Variants in ITGAL observed in about 807,000 individuals in gnomAD.
ITGAL encodes integrin alpha-L.
Under a neutral mutation model 138.4 loss-of-function variants are expected in ITGAL, and 68 were observed. That is an observed-to-expected ratio of 0.49 (90% CI 0.40 to 0.60). ITGAL has a LOEUF of 0.60. Ranked by LOEUF, ITGAL falls within the 20% of genes least tolerant of loss-of-function variation. The probability of loss-of-function intolerance (pLI) is 0.00; values close to 1 mark genes in which losing one functional copy is unlikely to be tolerated. For missense variants in ITGAL, 1,256 were observed against 1,478.6 expected, an observed-to-expected ratio of 0.85 and a Z score of 2.47; for synonymous variants, 561 against 584.3, an observed-to-expected ratio of 0.96 and a Z score of 0.57.
intron 4 of ITGAL, among the ~76,000 whole-genome samples, chr16:30,478,093 T>C (rs772666086): frequency 3.3e-5 from 5 of 151,672 alleles, no homozygotes; most frequent in Admixed American, 6.6e-5. Flanking sequence ...TCCCAGCACT[T>C]TGGGAGGCCG....
At chr16:30,508,209 A>ATT (rs71149036) in intron 21 of ITGAL, among the ~76,000 whole-genome samples, 17 of 95,084 alleles carry the variant, frequency 1.8e-4, no homozygotes, top group Admixed American at 3.4e-4. Context: ...CGCCCGGCCT[A>ATT]TTTTTTTTTT....
In ITGAL at chr16:30,494,401, G is replaced by A; in HGVS notation, c.1365+38G>A. On this transcript the variant is annotated intron_variant, in intron 12 of 30. Transcript: ENST00000356798. The surrounding 1 kb of genome is among the most constrained non-coding windows in gnomAD (Gnocchi z 4.2). Reference sequence around the variant, plus strand: ...CGAGGGCATCTGCAGACCAGGGACTGGCGGGACACACATCACACTCCCTTC... The same window carrying A: ...CGAGGGCATCTGCAGACCAGGGACTAGCGGGACACACATCACACTCCCTTC... 1 of 1,563,822 alleles carries A rather than the reference G, an allele frequency of 6.4e-7. No homozygotes were observed. The highest frequency in any genetic ancestry group is 8.7e-7 in the Non-Finnish European group (1 of 1,148,608).
chr16:30,496,338 C>T, intron 14 of ITGAL, 44 bp downstream of exon 14: 1 of 1,605,768 alleles, frequency 6.2e-7, no homozygotes. Context: ...CTCAGGTGCC[C>T]TAAGCCCCCA....
At chr16:30,501,790 A>G (rs1187923177) in intron 17 of ITGAL, among the ~76,000 whole-genome samples, 1 of 152,108 alleles carries the variant, frequency 6.6e-6, no homozygotes, top group Non-Finnish European at 1.5e-5. Flanking sequence ...CAGCACTTTG[A>G]GAGGCTGAAG....
chr16:30,510,825 C>T, intron 22 of ITGAL, 56 bp from the exon 23 acceptor site: 2 of 1,364,250 alleles, frequency 1.5e-6, no homozygotes, highest in Admixed American at 3.4e-5. Flanking sequence ...ATGTGGGGGC[C>T]ATGAGGCTGC....
rs904568095 is a variant in ITGAL, at chr16:30,511,057, G to A, written c.2707G>A (p.Glu903Lys). 1 of 1,613,894 alleles carries A rather than the reference G, an allele frequency of 6.2e-7. No homozygotes were observed. Among genetic ancestry groups the A allele is most frequent in the Non-Finnish European group, 8.5e-7 (1 of 1,179,880 alleles). ...TTCCTTGCCCCAATGCAGTAACAAT[G>A]AGGACTCAGACCTCCTGGAGGACAA... ...ELHANVTCNN[E>K]DSDLLEDNSA... Residue 903 changes from glutamate (E) to lysine (K), a missense_variant, in exon 24 of 31, where the codon GAG (glutamate) becomes AAG (lysine). Physicochemically the swap from Glu to Lys is moderately conservative, Grantham distance 56 (BLOSUM62 1). Around this residue, in one of 3 missense-constraint regions of ITGAL, gnomAD observed 867 missense variants for 972.5 expected, o/e 0.89. Transcript: ENST00000356798.
At chr16:30,510,070 T>TG (rs1268466173) in intron 21 of ITGAL, among the ~76,000 whole-genome samples, 1 of 151,730 alleles carries the variant, frequency 6.6e-6, no homozygotes, top group African/African-American at 2.4e-5. Context: ...TTAATAGAGA[T>TG]GGGGTCTCAC....
rs1309975756 is a variant in ITGAL, at chr16:30,522,606, T to G, written c.*941T>G. The G allele has an allele frequency of 6.6e-6, 1 of 152,198 alleles. No homozygotes were observed. The highest frequency in any genetic ancestry group is 1.5e-5 in the Non-Finnish European group (1 of 68,068). The allele number at this position is 152,198 out of a possible 1,614,324, so 9.4% of individuals were successfully genotyped here. On this transcript the variant is annotated 3_prime_UTR_variant, in exon 31 of 31. Coordinates refer to ENST00000356798, the MANE Select transcript of ITGAL (RefSeq NM_002209.3). The surrounding 1 kb of genome is among the most constrained non-coding windows in gnomAD (Gnocchi z 4.0). ...ATGATATGTCAGGGCGTGGGACATC[T>G]AGTAGGTGCTTGACATAATTTCACT...
chr16:30,496,226 C>G lies in ITGAL; in HGVS notation c.1633C>G (p.Leu545Val), dbSNP rs1271288346. 6.2e-7 allele frequency: 1 copy of G among 1,609,932 alleles called. No homozygotes were observed. The highest frequency in any genetic ancestry group is 8.5e-7 in the Non-Finnish European group (1 of 1,178,346). The change falls in exon 14 of 31, where the codon CTG becomes GTG. Residue 545 changes from leucine (L) to valine (V), a missense_variant. Leu to Val is a conservative substitution (Grantham distance 32). Transcript: ENST00000356798. ...GLVDVAVGAP[L>V]EEQGAVYIFN... ...GGTAGACGTGGCTGTGGGGGCCCCTCTGGAGGAGCAGGGGGCTGTGTACAT... is the reference window on the plus strand; with the variant it reads ...GGTAGACGTGGCTGTGGGGGCCCCTGTGGAGGAGCAGGGGGCTGTGTACAT...
At chr16:30,502,509 G>C in intron 17 of ITGAL, among the ~76,000 whole-genome samples, 1 of 151,960 alleles carries the variant, frequency 6.6e-6, no homozygotes, top group East Asian at 1.9e-4. Context: ...CACTTTGGGA[G>C]ACTGAGGTGG....
chr16:30,485,315 T>C (rs533416689), intron 9 of ITGAL, among the ~76,000 whole-genome samples: 69 of 66,276 alleles, frequency 1.0e-3, no homozygotes, highest in African/African-American at 4.1e-3. Flanking sequence ...CAAGCTCCAC[T>C]TCCCAGGCTC....
chr16:30,485,926 G>T (rs373133135), intron 9 of ITGAL, among the ~76,000 whole-genome samples: 2 of 152,152 alleles, frequency 1.3e-5, no homozygotes, highest in East Asian at 3.9e-4. Flanking sequence ...TCTGAGCCCC[G>T]CAGAGTGAAT....
rs138743084 is a variant in ITGAL at position 30,510,393 on chromosome 16, G to A, written c.2541G>A (p.Glu847=). The A allele has an allele frequency of 6.8e-6, 11 of 1,612,824 alleles. No homozygotes were observed. Among genetic ancestry groups the A allele is most frequent in the African/African-American group, 4.0e-5 (3 of 74,888 alleles). The part of the protein sequence containing the change: ...PHSQIPVSCE[E]LPEESRLLSR... ...GCCAGATACCTGTGAGCTGCGAGGAGCTTCCTGAAGAGTCCAGGCTTCTGT... is the reference window on the plus strand; with the variant it reads ...GCCAGATACCTGTGAGCTGCGAGGAACTTCCTGAAGAGTCCAGGCTTCTGT... The change falls in exon 22 of 31, where the codon GAG becomes GAA. Residue 847 remains glutamate (E), a synonymous_variant. Transcript: ENST00000356798.
At chr16:30,507,417 G>T (rs952872092) in intron 21 of ITGAL, among the ~76,000 whole-genome samples, 3 of 145,898 alleles carry the variant, frequency 2.1e-5, no homozygotes, top group African/African-American at 7.7e-5. Flanking sequence ...CCGAGATCGC[G>T]CCACTGCACT....
chr16:30,513,725 G>A, intron 24 of ITGAL, 46 bp from the exon 25 acceptor site: 1 of 1,475,690 alleles, frequency 6.8e-7, no homozygotes, highest in Non-Finnish European at 9.5e-7. Context: ...TGGAGCCCGG[G>A]TTGCTGTCAC....
intron 20 of ITGAL, among the ~76,000 whole-genome samples, chr16:30,506,310 T>C (rs1461074190): frequency 1.4e-5 from 2 of 147,248 alleles, no homozygotes; most frequent in African/African-American, 5.0e-5. Context: ...TCCCAGCACT[T>C]TGGGAGGCCG....
At chr16:30,519,723 A>G in intron 29 of ITGAL, 134 bp from the exon 30 acceptor site, 2 of 701,858 alleles carry the variant, frequency 2.8e-6, no homozygotes, top group Non-Finnish European at 5.3e-6. Flanking sequence ...TGTTAAAGGG[A>G]GAGGGTCTGC....
In ITGAL at chr16:30,474,178, G is replaced by C. The variant is rs779624922; in HGVS notation, c.62-18G>C. 5 of 1,573,456 alleles carry C rather than the reference G, an allele frequency of 3.2e-6. No individual in the cohort carries two copies. In the South Asian group the frequency reaches 5.7e-5, roughly 18 times the overall value. On this transcript the variant is annotated intron_variant, in intron 1 of 30. Transcript: ENST00000356798. ...CGGGGGTCCCTCGGTCGCAGCTGAC[G>C]ACCCTTGCCTTCCTCAGCGCCGGCC...
Position 30,517,134 on chromosome 16 carries a change from G to C in ITGAL, c.2976+48G>C, listed in dbSNP as rs776416569. On this transcript the variant is annotated intron_variant, in intron 26 of 30. Coordinates refer to ENST00000356798, the MANE Select transcript of ITGAL (RefSeq NM_002209.3). ...GGGTCTACCCTCCTCAGGTCTTGGGGGTGAGTGCATTTGAGGGTACAGAGG... is the reference window on the plus strand; with the variant it reads ...GGGTCTACCCTCCTCAGGTCTTGGGCGTGAGTGCATTTGAGGGTACAGAGG... 16 of 1,275,208 alleles carry C rather than the reference G, an allele frequency of 1.3e-5. No individual in the cohort carries two copies. In the South Asian group the frequency reaches 2.1e-4, roughly 17 times the overall value. 79.0% of individuals were successfully genotyped at this position (1,275,208 alleles called of 1,614,324 possible). A position where few individuals can be genotyped will look rare whatever the true frequency, so the allele number is the denominator to read the frequency against.
Sources: gnomAD v4.1 joint callset for allele counts (sites outside exome capture counted in the v4.1 genomes callset) on GRCh38, gnomAD v4.1.1 for gene constraint, gnomAD v4.1.1 regional missense constraint, Gnocchi (gnomAD v3.1) non-coding constraint, MANE v1.5 for transcripts, NCBI Gene and HGNC (gene_info 2026-07-23, HGNC 2026-07-21) for gene names.